Variants in NALCN observed in about 807,000 individuals in gnomAD.
NALCN encodes the protein sodium leak channel, non-selective.
NALCN carries 111 observed loss-of-function variants against 225.3 expected under a neutral mutation model. The ratio of observed to expected loss-of-function variants is 0.49; its 90% CI spans 0.42 to 0.58. The LOEUF is 0.58. NALCN is among the 20% of genes least tolerant of loss of function. The pLI is 0.00. For synonymous variants in NALCN, 764 were observed against 769.0 expected (o/e 0.99, Z 0.11); for missense variants, 1,378 against 2,202.4 (o/e 0.63, Z 7.49).
intron 11 of NALCN, among the ~76,000 whole-genome samples, chr13:101,251,291 G>A (rs1443757734): frequency 1.3e-5 from 2 of 151,978 alleles, no homozygotes; most frequent in African/African-American, 4.8e-5. Context: ...CAATCGACAT[G>A]AATCAATTTC....
intron 1 of NALCN, among the ~76,000 whole-genome samples, chr13:101,413,665 T>C (rs1050822366): frequency 1.3e-5 from 2 of 152,180 alleles, no homozygotes; most frequent in Non-Finnish European, 2.9e-5. Context: ...TCATCTGTCT[T>C]CGGTTATTAA....
chr13:101,130,895 A>C (rs1174797017), intron 17 of NALCN, among the ~76,000 whole-genome samples: 2 of 152,132 alleles, frequency 1.3e-5, no homozygotes, highest in African/African-American at 2.4e-5. Context: ...GTTTCAGAAA[A>C]GTTTAGTATA....
intron 7 of NALCN, among the ~76,000 whole-genome samples, chr13:101,327,262 CAAATGATAGTTTATTGTATTTAAAT>C (rs1306423067): frequency 1.3e-5 from 2 of 151,988 alleles, no homozygotes; most frequent in Admixed American, 6.6e-5. Context: ...TGTATTTTAA[CAAATGATAGTTTATTGTATTTAAAT>C]AAATGATAGT....
At chr13:101,065,303 T>C (rs932213618) in intron 40 of NALCN, 101 bp downstream of exon 40, 2 of 1,291,662 alleles carry the variant, frequency 1.5e-6, no homozygotes, top group Middle Eastern at 2.2e-4. Context: ...ATGTGGCATT[T>C]TGGGTTGGAA....
Position 101,400,489 on chromosome 13 carries a change from A to C in NALCN, c.-39-1324T>G, listed in dbSNP as rs74120029. On this transcript the variant is annotated intron_variant, in intron 1 of 43. Transcript: ENST00000251127. Reference sequence around the variant, plus strand: ...TCCATGGGTCTAGAGAAAGAAACCTAACCAAGCACAATGGGTGCCACTTAG... The same window carrying C: ...TCCATGGGTCTAGAGAAAGAAACCTCACCAAGCACAATGGGTGCCACTTAG... Among the ~76,000 whole-genome samples, 964 of 152,206 alleles carry C rather than the reference A, an allele frequency of 6.3e-3. 11 individuals carry two copies. The highest frequency in any genetic ancestry group is 0.022 in the African/African-American group (924 of 41,524).
intron 15 of NALCN, among the ~76,000 whole-genome samples, chr13:101,165,116 C>T (rs2038374924): frequency 6.6e-6 from 1 of 152,152 alleles, no homozygotes. Flanking sequence ...TTGACTTCAG[C>T]GTGTTGTACA....
rs1034550013 is a variant in NALCN, at chr13:101,397,093, T to C, written c.109-1728A>G. 7.1e-4 allele frequency among the ~76,000 whole-genome samples: 44 copies of C among 61,604 alleles called. 1 individual carries two copies. In the East Asian group the frequency reaches 0.023, roughly 32 times the overall value. 40.4% of individuals were successfully genotyped at this position (61,604 alleles called of 152,430 possible). ...ATATATATATATATATATATATATA[T>C]ATATATATATATATATACATACACA... On this transcript the variant is annotated intron_variant, in intron 2 of 43. Transcript: ENST00000251127.
chr13:101,135,402 AT>A (rs973219443), intron 17 of NALCN, among the ~76,000 whole-genome samples: 3 of 151,582 alleles, frequency 2.0e-5, no homozygotes, highest in Admixed American at 6.6e-5. Context: ...AAATTCCAAA[AT>A]TTTTTTTTGT....
At chr13:101,269,211 CAT>C (rs60240326) in intron 10 of NALCN, among the ~76,000 whole-genome samples, 1,745 of 145,516 alleles carry the variant, frequency 0.012, 17 homozygotes, top group African/African-American at 0.036. Flanking sequence ...AGAAAAAGCT[CAT>C]ATATATATAT....
At chr13:101,119,409 A>G (rs2035865331) in intron 18 of NALCN, among the ~76,000 whole-genome samples, 1 of 152,214 alleles carries the variant, frequency 6.6e-6, no homozygotes, top group Admixed American at 6.5e-5. Context: ...TATAAAACCA[A>G]ATGTCAGAAT....
At chr13:101,316,982 T>A (rs144101174) in intron 7 of NALCN, among the ~76,000 whole-genome samples, 2 of 152,180 alleles carry the variant, frequency 1.3e-5, no homozygotes, top group Non-Finnish European at 2.9e-5. Context: ...AATTACCTTG[T>A]ATACTTAACC....
At chr13:101,338,645 T>A (rs1194275330) in intron 7 of NALCN, among the ~76,000 whole-genome samples, 2 of 152,232 alleles carry the variant, frequency 1.3e-5, no homozygotes, top group African/African-American at 4.8e-5. Context: ...TTATTTCGCA[T>A]ATATGGTATA....
chr13:101,381,414 A>G (rs1320274862), intron 3 of NALCN, among the ~76,000 whole-genome samples: 1 of 152,164 alleles, frequency 6.6e-6, no homozygotes, highest in Non-Finnish European at 1.5e-5. Context: ...CTCACAGAGG[A>G]TCTTTAACTA....
chr13:101,410,021 A>C (rs2047735124), intron 1 of NALCN, among the ~76,000 whole-genome samples: 1 of 152,328 alleles, frequency 6.6e-6, no homozygotes, highest in South Asian at 2.1e-4. Flanking sequence ...AGGCAGCTGA[A>C]TGGTCTGTGG....
intron 6 of NALCN, among the ~76,000 whole-genome samples, chr13:101,369,381 T>C (rs1367765399): frequency 1.3e-5 from 2 of 152,202 alleles, no homozygotes; most frequent in Non-Finnish European, 2.9e-5. Flanking sequence ...CATGTTTTCA[T>C]GCATTTTTTC....
chr13:101,112,491 T>A (rs1356951169), intron 18 of NALCN, among the ~76,000 whole-genome samples: 2 of 152,170 alleles, frequency 1.3e-5, no homozygotes, highest in African/African-American at 2.4e-5. Flanking sequence ...AGTTGATAAG[T>A]GGCAAGAAAA....
At chr13:101,145,024 C>G in intron 15 of NALCN, 128 bp from the exon 16 acceptor site, 8 of 1,017,052 alleles carry the variant, frequency 7.9e-6, no homozygotes, top group Non-Finnish European at 1.1e-5. Context: ...GCAGCAAAGG[C>G]CTACCAAGTA....
chr13:101,077,448 G>A (rs2033332646), intron 34 of NALCN, among the ~76,000 whole-genome samples: 1 of 152,142 alleles, frequency 6.6e-6, no homozygotes, highest in South Asian at 2.1e-4. Context: ...TACTGATAGT[G>A]ATATGGACAG....
chr13:101,394,870 C>G (rs2047239686), intron 3 of NALCN, among the ~76,000 whole-genome samples: 1 of 152,206 alleles, frequency 6.6e-6, no homozygotes, highest in Non-Finnish European at 1.5e-5. Context: ...AGCCCCTGTG[C>G]TGGGTTGTGG....
Sources: gnomAD v4.1 joint callset for allele counts (sites outside exome capture counted in the v4.1 genomes callset) on GRCh38, gnomAD v4.1.1 for gene constraint, MANE v1.5 for transcripts, NCBI Gene and HGNC (gene_info 2026-07-23, HGNC 2026-07-21) for gene names.